FMN1: variants seen among roughly 807,000 people sequenced by gnomAD.
FMN1 encodes the protein formin 1.
Under a neutral mutation model 132.4 loss-of-function variants are expected in FMN1, and 110 were observed. That is an observed-to-expected ratio of 0.83 (90% CI 0.71 to 0.97). The LOEUF (loss-of-function observed/expected upper bound fraction) is 0.97. Ranked by LOEUF, FMN1 falls within the 50% of genes least tolerant of loss-of-function variation. The probability of loss-of-function intolerance (pLI) is 0.00; values close to 1 mark genes in which losing one functional copy is unlikely to be tolerated. For missense variants in FMN1, 1,792 were observed against 1,705.3 expected, an observed-to-expected ratio of 1.05 and a Z score of -0.90; for synonymous variants, 722 against 651.7, an observed-to-expected ratio of 1.11 and a Z score of -1.64.
chr15:32,887,325 C>G (rs2059920073), intron 16 of FMN1, among the ~76,000 whole-genome samples: 1 of 152,186 alleles, frequency 6.6e-6, no homozygotes. Context: ...CTCTCTAAAT[C>G]CTCCGCAGAG....
chr15:32,883,671 G>C (rs1390925989), intron 16 of FMN1, among the ~76,000 whole-genome samples: 1 of 152,044 alleles, frequency 6.6e-6, no homozygotes, highest in South Asian at 2.1e-4. Context: ...ACCAACAACC[G>C]TGTTGCTAGT....
At chr15:32,889,626 C>T (rs963880791) in intron 15 of FMN1, among the ~76,000 whole-genome samples, 6 of 152,146 alleles carry the variant, frequency 3.9e-5, no homozygotes, top group South Asian at 2.1e-4. Flanking sequence ...TCCCTAGTGC[C>T]TCCTTACACT....
At chr15:33,004,456 C>T (rs558498878) in intron 7 of FMN1, among the ~76,000 whole-genome samples, 1 of 152,292 alleles carries the variant, frequency 6.6e-6, no homozygotes, top group East Asian at 1.9e-4. Flanking sequence ...CCATCACTGG[C>T]CATCAGAGAA....
At chr15:32,845,736 C>G (rs779923752) in intron 17 of FMN1, among the ~76,000 whole-genome samples, 18 of 152,136 alleles carry the variant, frequency 1.2e-4, no homozygotes, top group Non-Finnish European at 2.1e-4. Context: ...TCCCCAATCA[C>G]CCCCCAACAC....
chr15:32,882,917 C>T (rs998378885), intron 16 of FMN1, among the ~76,000 whole-genome samples: 1 of 152,212 alleles, frequency 6.6e-6, no homozygotes, highest in African/African-American at 2.4e-5. Context: ...ACACTTTCAT[C>T]GGAGTGGACA....
At position 33,179,437 on chromosome 15, in the gene FMN1, C is replaced by T. The variant is rs116415277; in HGVS notation, c.-132+761G>A. Among the ~76,000 whole-genome samples the T allele has an allele frequency of 3.9e-3, 592 of 152,292 alleles. 2 individuals carry two copies. The highest frequency in any genetic ancestry group is 0.014 in the African/African-American group (576 of 41,558). On this transcript the variant is annotated intron_variant, in intron 3 of 20. Coordinates refer to ENST00000616417, the MANE Select transcript of FMN1 (RefSeq NM_001277313.2). ...CCTTTTGCCTGAACTGCCCCAGAAT[C>T]TTTATGACTCAATCTGGGGGTACCT...
chr15:33,062,657 G>A (rs2037540710), intron 6 of FMN1: 1 of 152,032 alleles, frequency 6.6e-6, no homozygotes, highest in African/African-American at 2.4e-5. Flanking sequence ...GAAAAGAACA[G>A]TAGTCTATAA....
chr15:32,917,132 C>T (rs568822182), intron 10 of FMN1, among the ~76,000 whole-genome samples: 1 of 152,240 alleles, frequency 6.6e-6, no homozygotes, highest in South Asian at 2.1e-4. Flanking sequence ...ATGAAAAAAA[C>T]TGCAAGAAGT....
Position 32,908,544 on chromosome 15 carries a change from T to G in FMN1, c.3323A>C (p.Lys1108Thr), listed in dbSNP as rs2060481433. The G allele has an allele frequency of 6.2e-7, 1 of 1,611,586 alleles. No homozygotes were observed. The highest frequency in any genetic ancestry group is 8.5e-7 in the Non-Finnish European group (1 of 1,178,560). Residue 1108 changes from lysine to threonine, a missense_variant, in exon 12 of 21, where the codon AAG (lysine) becomes ACG (threonine). Lys to Thr is a moderately conservative substitution (Grantham distance 78, BLOSUM62 -1). Around this residue, in one of 3 missense-constraint regions of FMN1, gnomAD observed 1,150 missense variants for 1,043.1 expected, o/e 1.10. Coordinates refer to ENST00000616417, the MANE Select transcript of FMN1 (RefSeq NM_001277313.2). ...TTCTTCTTTGGATGTCTCGTAATAC[T>G]TTCTTATTTTAACCAGCTCATCCTC... ...AQEDELVKIR[K>T]YYETSKEEEL...
At chr15:33,116,521 T>G (rs1216935227) in intron 4 of FMN1, among the ~76,000 whole-genome samples, 2 of 152,242 alleles carry the variant, frequency 1.3e-5, no homozygotes, top group Non-Finnish European at 2.9e-5. Flanking sequence ...TTCTGGGGGC[T>G]GATTCAAGAA....
At chr15:32,865,324 GGAACTATAAT>G (rs2059367294) in intron 16 of FMN1, among the ~76,000 whole-genome samples, 1 of 152,070 alleles carries the variant, frequency 6.6e-6, no homozygotes, top group African/African-American at 2.4e-5. Context: ...GCCTTAAACT[GGAACTATAAT>G]GAACAGATAA....
At chr15:32,842,239 T>C (rs1042063954) in intron 17 of FMN1, among the ~76,000 whole-genome samples, 2 of 152,106 alleles carry the variant, frequency 1.3e-5, no homozygotes, top group East Asian at 3.9e-4. Flanking sequence ...CACCATGCTA[T>C]GAGAAAGCGC....
chr15:33,079,683 T>C (rs896890600), intron 5 of FMN1, among the ~76,000 whole-genome samples: 2 of 152,256 alleles, frequency 1.3e-5, no homozygotes, highest in Non-Finnish European at 2.9e-5. Flanking sequence ...TAGAGAAGTG[T>C]GAGAACTGCT....
At chr15:33,006,500 C>G (rs1302737467) in intron 7 of FMN1, among the ~76,000 whole-genome samples, 1 of 152,018 alleles carries the variant, frequency 6.6e-6, no homozygotes, top group Non-Finnish European at 1.5e-5. Context: ...AAAATTAAAA[C>G]TAGAATTACC....
chr15:32,776,017 T>C (rs577865381), intron 20 of FMN1, among the ~76,000 whole-genome samples: 5 of 152,322 alleles, frequency 3.3e-5, no homozygotes, highest in East Asian at 1.9e-4. Context: ...CTAATATTTA[T>C]TGAGCTCTTA....
At chr15:33,151,439 A>C in intron 4 of FMN1, 1 of 1,514,052 alleles carries the variant, frequency 6.6e-7, no homozygotes, top group Non-Finnish European at 8.9e-7. Flanking sequence ...GGAACATGTG[A>C]TCATCCATTC....
chr15:33,027,978 T>G (rs1179227972), intron 6 of FMN1, among the ~76,000 whole-genome samples: 2 of 152,198 alleles, frequency 1.3e-5, no homozygotes, highest in Non-Finnish European at 2.9e-5. Context: ...TGAGAAAAGA[T>G]GAACTGGAGA....
chr15:33,054,107 G>T (rs1008914243), intron 6 of FMN1, among the ~76,000 whole-genome samples: 9 of 152,098 alleles, frequency 5.9e-5, no homozygotes, highest in South Asian at 4.1e-4. Flanking sequence ...CTTTCTAGGG[G>T]CCTTACCAGG....
chr15:33,122,555 G>A (rs1268114667), intron 4 of FMN1, among the ~76,000 whole-genome samples: 1 of 152,156 alleles, frequency 6.6e-6, no homozygotes, highest in Non-Finnish European at 1.5e-5. Context: ...TAAACAACCA[G>A]GCCAATATTC....
Sources: gnomAD v4.1 joint callset for allele counts (sites outside exome capture counted in the v4.1 genomes callset) on GRCh38, gnomAD v4.1.1 for gene constraint, gnomAD v4.1.1 regional missense constraint, MANE v1.5 for transcripts, NCBI Gene and HGNC (gene_info 2026-07-23, HGNC 2026-07-21) for gene names.